CUX1: variants seen among roughly 807,000 people sequenced by gnomAD.
The protein encoded by CUX1 is protein CASP.
CUX1 carries 31 observed loss-of-function variants against 158.8 expected under a neutral mutation model. The ratio of observed to expected loss-of-function variants is 0.20; its 90% confidence interval spans 0.15 to 0.26. CUX1 has a LOEUF of 0.26. CUX1 is among the 10% of genes least tolerant of loss of function. CUX1 has a pLI of 1.00. For missense variants in CUX1, 1,589 were observed against 2,014.6 expected (o/e 0.79, Z 4.04); for synonymous variants, 879 against 862.1 (o/e 1.02, Z -0.34).
chr7:102,281,983 A>T, intron 21 of CUX1: 1 of 1,169,056 alleles, frequency 8.6e-7, no homozygotes, highest in Non-Finnish European at 1.3e-6. Context: ...CCTCCAGGGC[A>T]GCAGGGGCCT....
chr7:102,263,770 G>A (rs1432053137), intron 14 of CUX1, among the ~76,000 whole-genome samples: 4 of 151,886 alleles, frequency 2.6e-5, no homozygotes, highest in Non-Finnish European at 4.4e-5. Context: ...TCAGCTCACT[G>A]CAACCTCCAC....
chr7:102,031,240 G>A (rs188980549), intron 3 of CUX1, among the ~76,000 whole-genome samples: 7 of 152,140 alleles, frequency 4.6e-5, no homozygotes, highest in Non-Finnish European at 2.9e-5. Context: ...TGTATTTTTA[G>A]TAGAGATGGG....
chr7:102,027,795 G>A (rs983455237), intron 2 of CUX1, among the ~76,000 whole-genome samples: 4 of 152,228 alleles, frequency 2.6e-5, no homozygotes, highest in African/African-American at 9.6e-5. Flanking sequence ...CCAGGAGGCA[G>A]AGGTTGCAGT....
At chr7:102,283,364 C>G (rs910793067) in exon 23 of CUX1, 2 of 490,306 alleles carry the variant, frequency 4.1e-6, no homozygotes, top group East Asian at 3.4e-5. Flanking sequence ...GGGCTCTGCC[C>G]GCAGCCTGAC....
At chr7:102,215,830 C>T (rs995635017) in intron 20 of CUX1, among the ~76,000 whole-genome samples, 2 of 152,160 alleles carry the variant, frequency 1.3e-5, no homozygotes, top group Non-Finnish European at 2.9e-5. Context: ...GCAGCCCAGA[C>T]ATTACCCGCA....
intron 2 of CUX1, among the ~76,000 whole-genome samples, chr7:101,956,301 A>C (rs534566888): frequency 4.6e-5 from 7 of 152,298 alleles, no homozygotes; most frequent in African/African-American, 1.4e-4. Flanking sequence ...CCGGATGCCA[A>C]GCTGAGATCA....
At chr7:102,219,055 A>ACACACACACACAC (rs1797534201) in intron 20 of CUX1, among the ~76,000 whole-genome samples, 9 of 126,248 alleles carry the variant, frequency 7.1e-5, no homozygotes, top group Admixed American at 1.7e-4. Flanking sequence ...CCTGCCTCAA[A>ACACACACACACAC]ACACACACAC....
intron 14 of CUX1, among the ~76,000 whole-genome samples, chr7:102,267,252 C>T (rs2132769176): frequency 6.6e-6 from 1 of 151,672 alleles, no homozygotes; most frequent in Non-Finnish European, 1.5e-5. Context: ...AAGACAGGGG[C>T]AGCCGGGCAT....
At chr7:102,184,206 A>G (rs1793412168) in intron 11 of CUX1, among the ~76,000 whole-genome samples, 1 of 152,168 alleles carries the variant, frequency 6.6e-6, no homozygotes. Flanking sequence ...CAGTAGATAG[A>G]CATAGTTTAT....
At position 102,257,549 on chromosome 7, in the gene CUX1, A is replaced by G. The variant is rs1286073986; in HGVS notation, c.*8507A>G. On this transcript the variant is annotated 3_prime_UTR_variant, in exon 24 of 24. Transcript: ENST00000292535. ...GGTGGTTTTCCCCACATCCCTTTGC[A>G]TTGAATAAGAGACCTAGTTCTTTGC... 2 of 985,312 alleles carry G rather than the reference A, an allele frequency of 2.0e-6. No homozygotes were observed. The highest frequency in any genetic ancestry group is 5.2e-4 in the Middle Eastern group (1 of 1,936). 61.0% of individuals were successfully genotyped at this position (985,312 alleles called of 1,614,324 possible). A position where few individuals can be genotyped will look rare whatever the true frequency, so the allele number is the denominator to read the frequency against.
At chr7:101,849,630 G>T (rs1796064617) in intron 1 of CUX1, among the ~76,000 whole-genome samples, 1 of 152,098 alleles carries the variant, frequency 6.6e-6, no homozygotes, top group Non-Finnish European at 1.5e-5. Context: ...GAATAGTGCT[G>T]CAGTGAACAT....
chr7:101,920,330 C>T (rs1228187567), intron 2 of CUX1, among the ~76,000 whole-genome samples: 1 of 151,982 alleles, frequency 6.6e-6, no homozygotes. Context: ...CACCATGTTG[C>T]CCAGGCTGGT....
intron 1 of CUX1, among the ~76,000 whole-genome samples, chr7:101,880,119 A>G (rs530790001): frequency 1.3e-5 from 2 of 152,310 alleles, no homozygotes; most frequent in Non-Finnish European, 2.9e-5. Context: ...AACTAAAGGC[A>G]CAAAAACTCC....
At chr7:101,990,274 A>G (rs1426181317) in intron 2 of CUX1, among the ~76,000 whole-genome samples, 1 of 152,102 alleles carries the variant, frequency 6.6e-6, no homozygotes, top group Non-Finnish European at 1.5e-5. Flanking sequence ...AGGCAAAAGG[A>G]TTGCTTGAGC....
At chr7:102,099,212 A>C (rs1216277172) in intron 5 of CUX1, among the ~76,000 whole-genome samples, 1 of 152,128 alleles carries the variant, frequency 6.6e-6, no homozygotes, top group African/African-American at 2.4e-5. Context: ...GCACGAGGTG[A>C]CAGGCAGCTG....
chr7:102,132,339 C>T (rs1429074640), intron 8 of CUX1, among the ~76,000 whole-genome samples: 5 of 151,228 alleles, frequency 3.3e-5, no homozygotes, highest in South Asian at 2.1e-4. Flanking sequence ...CACGCACACA[C>T]GCATCTTTAC....
At chr7:102,137,245 A>G (rs1834006179) in intron 8 of CUX1, among the ~76,000 whole-genome samples, 1 of 152,196 alleles carries the variant, frequency 6.6e-6, no homozygotes, top group African/African-American at 2.4e-5. Flanking sequence ...TGGTTTTTAG[A>G]TGCCATGGGA....
intron 21 of CUX1, 102 bp from the exon 22 acceptor site, chr7:102,233,950 C>G: frequency 1.1e-6 from 1 of 925,468 alleles, no homozygotes; most frequent in Non-Finnish European, 1.5e-6. Context: ...CAACCCTGAG[C>G]CTTTAAACTC....
chr7:101,841,596 C>A (rs1425876046), intron 1 of CUX1, among the ~76,000 whole-genome samples: 1 of 151,952 alleles, frequency 6.6e-6, no homozygotes, highest in African/African-American at 2.4e-5. Flanking sequence ...CTCACTCTGT[C>A]ACCCAGGCTG....
Sources: allele counts gnomAD v4.1 joint callset (sites outside exome capture counted in the v4.1 genomes callset), GRCh38; gene constraint gnomAD v4.1.1; transcripts MANE v1.5; gene names NCBI Gene and HGNC (gene_info 2026-07-23, HGNC 2026-07-21).